The following USP46 variants were observed in gnomAD, a reference collection of about 807,000 sequenced individuals.
The protein encoded by USP46 is ubiquitin specific peptidase 46, also known as ubiquitin carboxyl-terminal hydrolase 46.
In USP46, 12 loss-of-function variants were observed where a neutral mutation model predicts 44.4. The ratio of observed to expected loss-of-function variants is 0.27; its 90% CI spans 0.17 to 0.44. USP46 has a LOEUF of 0.44. USP46 is among the 20% of genes least tolerant of loss of function. USP46 has a pLI of 1.00. For missense variants in USP46, 248 were observed against 444.8 expected (o/e 0.56, Z 3.98); for synonymous variants, 155 against 161.5 (o/e 0.96, Z 0.31).
At chr4:52,632,964 GAAA>G (rs1717925382) in intron 1 of USP46, among the ~76,000 whole-genome samples, 1 of 74,674 alleles carries the variant, frequency 1.3e-5, no homozygotes, top group African/African-American at 6.6e-5. Flanking sequence ...AAGAAAGAAA[GAAA>G]GAAAGAAAGA....
intron 4 of USP46, among the ~76,000 whole-genome samples, chr4:52,617,664 T>C (rs1675207227): frequency 2.0e-5 from 3 of 152,146 alleles, no homozygotes; most frequent in Admixed American, 2.0e-4. Flanking sequence ...TCAAATAATG[T>C]GGTTTTTTTG....
rs1025472613 is a variant in USP46 at position 52,594,133 on chromosome 4, T to G, written c.*3507A>C. 8.5e-5 allele frequency: 13 copies of G among 152,236 alleles called. No homozygotes were observed. Among genetic ancestry groups the G allele is most frequent in the African/African-American group, 3.1e-4 (13 of 41,458 alleles). 9.4% of individuals were successfully genotyped at this position (152,236 alleles called of 1,614,324 possible). A position where few individuals can be genotyped will look rare whatever the true frequency, so the allele number is the denominator to read the frequency against. Reference sequence around the variant, plus strand: ...CTTTATAAAAAGGATTTTAAGTCCATGTGTGTAGCATTACCCGGATATAAT... The same window carrying G: ...CTTTATAAAAAGGATTTTAAGTCCAGGTGTGTAGCATTACCCGGATATAAT... On this transcript the variant is annotated 3_prime_UTR_variant, in exon 9 of 9. Coordinates refer to ENST00000441222, the MANE Select transcript of USP46 (RefSeq NM_022832.4).
intron 3 of USP46, among the ~76,000 whole-genome samples, chr4:52,626,548 C>A (rs982008662): frequency 6.6e-6 from 1 of 152,140 alleles, no homozygotes; most frequent in African/African-American, 2.4e-5. Context: ...TGGTCTCAAT[C>A]TCTTGACCTT....
intron 1 of USP46, among the ~76,000 whole-genome samples, chr4:52,645,109 C>T (rs1050193037): frequency 1.3e-5 from 2 of 150,438 alleles, no homozygotes; most frequent in Non-Finnish European, 3.0e-5. Context: ...CCTATAATCC[C>T]ATGTACTCGG....
At chr4:52,649,869 A>G (rs1189951590) in intron 1 of USP46, among the ~76,000 whole-genome samples, 9 of 152,224 alleles carry the variant, frequency 5.9e-5, no homozygotes, top group Admixed American at 5.9e-4. Context: ...GGATGCTCAC[A>G]TCGGAATCAA....
chr4:52,608,487 C>T (rs1057411182), intron 5 of USP46, among the ~76,000 whole-genome samples: 26 of 152,240 alleles, frequency 1.7e-4, no homozygotes, highest in African/African-American at 5.8e-4. Flanking sequence ...CCCAGCCTCC[C>T]AGGAGCTGAG....
At chr4:52,627,102 GACAA>G (rs1178538796) in intron 3 of USP46, among the ~76,000 whole-genome samples, 3 of 152,244 alleles carry the variant, frequency 2.0e-5, no homozygotes, top group Middle Eastern at 3.4e-3. Context: ...CTGCCATAAG[GACAA>G]ACAATCAGAG....
intron 1 of USP46, among the ~76,000 whole-genome samples, chr4:52,642,634 G>A (rs372694561): frequency 5.7e-4 from 87 of 152,190 alleles, no homozygotes; most frequent in African/African-American, 2.0e-3. Flanking sequence ...CAGAGTACTG[G>A]CAACTTGTTT....
chr4:52,655,816 G>A (rs1017179690), intron 1 of USP46, among the ~76,000 whole-genome samples: 1 of 152,162 alleles, frequency 6.6e-6, no homozygotes. Context: ...TCACATGGAA[G>A]AAAAATTAAA....
At chr4:52,610,752 T>C (rs755397044) in intron 4 of USP46, 135 bp from the exon 5 acceptor site, 128 of 724,440 alleles carry the variant, frequency 1.8e-4, no homozygotes, top group African/African-American at 3.5e-4. Context: ...TGTATACTCA[T>C]TGGCACCCAG....
At chr4:52,610,742 T>C in intron 4 of USP46, 125 bp from the exon 5 acceptor site, 4 of 810,518 alleles carry the variant, frequency 4.9e-6, no homozygotes, top group South Asian at 1.9e-5. Flanking sequence ...TGCATGGACA[T>C]GTATACTCAT....
intron 5 of USP46, among the ~76,000 whole-genome samples, chr4:52,606,323 G>A (rs1716688824): frequency 6.6e-6 from 1 of 152,194 alleles, no homozygotes. Flanking sequence ...GTATTAGTCT[G>A]TTCTCATGCT....
At chr4:52,630,835 G>A (rs556804443) in intron 2 of USP46, among the ~76,000 whole-genome samples, 8 of 152,160 alleles carry the variant, frequency 5.3e-5, no homozygotes, top group African/African-American at 1.9e-4. Context: ...TTAAAGCATG[G>A]GGGGAAAATG....
chr4:52,641,223 G>T (rs946885091), intron 1 of USP46, among the ~76,000 whole-genome samples: 1 of 152,096 alleles, frequency 6.6e-6, no homozygotes, highest in Non-Finnish European at 1.5e-5. Context: ...ACCGATCTTG[G>T]GGGGTAAATC....
chr4:52,602,233 T>A (rs560986334), intron 6 of USP46, among the ~76,000 whole-genome samples, 179 bp from the exon 7 acceptor site: 127 of 152,330 alleles, frequency 8.3e-4, no homozygotes, highest in Non-Finnish European at 1.4e-3. Flanking sequence ...TTATCCTACA[T>A]CCCTGGCTCC....
chr4:52,608,762 G>C (rs1412482429), intron 5 of USP46, among the ~76,000 whole-genome samples: 2 of 152,198 alleles, frequency 1.3e-5, no homozygotes, highest in Admixed American at 6.5e-5. Flanking sequence ...CCAGGGCAGA[G>C]AGCCATTGCT....
chr4:52,654,291 A>C (rs578029544), intron 1 of USP46, among the ~76,000 whole-genome samples: 3 of 152,344 alleles, frequency 2.0e-5, no homozygotes, highest in Admixed American at 2.0e-4. Flanking sequence ...TATAATTGCC[A>C]ACTATCTTTG....
chr4:52,617,163 A>T (rs1577670857), intron 4 of USP46, among the ~76,000 whole-genome samples: 2 of 152,370 alleles, frequency 1.3e-5, no homozygotes, highest in East Asian at 3.9e-4. Flanking sequence ...AAATGACAAC[A>T]GTGGCATCTG....
chr4:52,601,877 C>T lies in USP46; in HGVS notation c.900G>A (p.Ala300=), dbSNP rs200292604. The T allele has an allele frequency of 6.4e-5, 103 of 1,613,468 alleles. No homozygotes were observed. Among genetic ancestry groups the T allele is most frequent in the Non-Finnish European group, 8.1e-5 (95 of 1,179,770 alleles). The change falls in exon 7 of 9, where the codon GCG becomes GCA. Residue 300 remains alanine (A), a synonymous_variant. Transcript: ENST00000441222. Reference sequence around the variant, plus strand: ...CTTACCTGCCACAGTGAACGACCACCGCAACCAAGTCATACATGCGGTCCA... The same window carrying T: ...CTTACCTGCCACAGTGAACGACCACTGCAACCAAGTCATACATGCGGTCCA... ...VNLDRMYDLV[A]VVVHCGSGPN...
Sources: allele counts gnomAD v4.1 joint callset (sites outside exome capture counted in the v4.1 genomes callset), GRCh38; gene constraint gnomAD v4.1.1; transcripts MANE v1.5; gene names NCBI Gene and HGNC (gene_info 2026-07-23, HGNC 2026-07-21).